The following CALN1 variants were observed in gnomAD, a reference collection of about 807,000 sequenced individuals.
CALN1 encodes calneuron 1.
CALN1 carries 17 observed loss-of-function variants against 30.6 expected under a neutral mutation model. The ratio of observed to expected loss-of-function variants is 0.56; its 90% CI spans 0.38 to 0.83. The LOEUF is 0.83. Among genes scored for constraint, CALN1 ranks in the 40% least tolerant of loss-of-function variants. The probability of loss-of-function intolerance (pLI) is 0.00; values close to 1 mark genes in which losing one functional copy is unlikely to be tolerated. For missense variants in CALN1, 291 were observed against 354.9 expected, an observed-to-expected ratio of 0.82 and a Z score of 1.45; for synonymous variants, 156 against 131.4, an observed-to-expected ratio of 1.19 and a Z score of -1.28.
At chr7:71,873,361 TATAC>T (rs1792059461) in intron 5 of CALN1, among the ~76,000 whole-genome samples, 1 of 152,094 alleles carries the variant, frequency 6.6e-6, no homozygotes, top group Non-Finnish European at 1.5e-5. Flanking sequence ...ACTGGTTGCC[TATAC>T]ATACAGTCAT....
chr7:72,113,697 T>C (rs879898790), intron 3 of CALN1, among the ~76,000 whole-genome samples: 4 of 152,202 alleles, frequency 2.6e-5, no homozygotes, highest in Non-Finnish European at 4.4e-5. Context: ...TTTTCTCCTG[T>C]TTTTGTGCTA....
intron 3 of CALN1, among the ~76,000 whole-genome samples, chr7:72,249,354 C>A (rs1355160753): frequency 2.0e-5 from 3 of 152,186 alleles, no homozygotes; most frequent in Non-Finnish European, 2.9e-5. Context: ...GCCAGGCAAG[C>A]ATTTCCACTC....
chr7:72,131,041 ACCCAT>A (rs1809108068), intron 3 of CALN1, among the ~76,000 whole-genome samples: 1 of 152,054 alleles, frequency 6.6e-6, no homozygotes, highest in African/African-American at 2.4e-5. Flanking sequence ...TGTACTAAGC[ACCCAT>A]GGGTCATCAA....
At chr7:72,311,365 G>A (rs1181365790) in intron 2 of CALN1, among the ~76,000 whole-genome samples, 3 of 152,228 alleles carry the variant, frequency 2.0e-5, no homozygotes, top group African/African-American at 7.2e-5. Flanking sequence ...TCAACAATAG[G>A]CTATTAGTAG....
At position 72,082,077 on chromosome 7, in the gene CALN1, C is replaced by T. The variant is rs372913014; in HGVS notation, c.388+24074G>A. 5.1e-3 allele frequency among the ~76,000 whole-genome samples: 775 copies of T among 152,180 alleles called. 5 individuals carry two copies. The highest frequency in any genetic ancestry group is 0.018 in the African/African-American group (737 of 41,538). The stretch of plus-strand genomic sequence containing the variant: ...TCTCGGCTCACTGCAACCTCTGCCT[C>T]CTGGGTTCAAGCGATTCTCCAGCCT... On this transcript the variant is annotated intron_variant, in intron 4 of 6. Transcript: ENST00000395275.
chr7:72,340,361 G>A (rs1398600503), intron 2 of CALN1, among the ~76,000 whole-genome samples: 8 of 147,816 alleles, frequency 5.4e-5, no homozygotes, highest in Non-Finnish European at 7.4e-5. Flanking sequence ...GTCCCAATGT[G>A]AGCCCATGTG....
At chr7:71,791,850 CAT>C (rs1355751203) in intron 6 of CALN1, among the ~76,000 whole-genome samples, 2 of 152,086 alleles carry the variant, frequency 1.3e-5, no homozygotes, top group Admixed American at 6.5e-5. Context: ...TCTACTAAAA[CAT>C]AGAAAAAAAT....
intron 2 of CALN1, among the ~76,000 whole-genome samples, chr7:72,335,788 C>G (rs1801984001): frequency 6.6e-6 from 1 of 152,042 alleles, no homozygotes; most frequent in Non-Finnish European, 1.5e-5. Flanking sequence ...GCACGTGGCC[C>G]AAGGCTAAGA....
chr7:71,790,483 C>T (rs913445022), intron 6 of CALN1, among the ~76,000 whole-genome samples: 15 of 152,252 alleles, frequency 9.9e-5, no homozygotes, highest in Admixed American at 6.5e-4. Flanking sequence ...CATTGCATTA[C>T]CTAAGGGGAA....
intron 2 of CALN1, among the ~76,000 whole-genome samples, chr7:72,282,283 T>A (rs1283171150): frequency 6.6e-6 from 1 of 152,090 alleles, no homozygotes; most frequent in Admixed American, 6.5e-5. Context: ...CAAACAAAAA[T>A]AAATAAATAT....
In CALN1 at chr7:71,901,248, A is replaced by G. The variant is rs140180698; in HGVS notation, c.502-90756T>C. On this transcript the variant is annotated intron_variant, in intron 5 of 6. Transcript: ENST00000395275. Reference sequence around the variant, plus strand: ...GATCCTTACAAGAAAAACACTAATAAAAGAAATTTTAGATAACATGAACAA... The same window carrying G: ...GATCCTTACAAGAAAAACACTAATAGAAGAAATTTTAGATAACATGAACAA... Among the ~76,000 whole-genome samples the G allele has an allele frequency of 8.4e-3, 1,274 of 152,298 alleles. 22 individuals carry two copies. Among genetic ancestry groups the G allele is most frequent in the African/African-American group, 0.029 (1,195 of 41,544 alleles).
the CALN1 span, among the ~76,000 whole-genome samples, chr7:72,487,698 GAAAGA>G: frequency 2.0e-4 from 17 of 86,300 alleles, no homozygotes; most frequent in Admixed American, 4.1e-4. Context: ...AAGAAAGAAA[GAAAGA>G]AAAGAAAAGA....
At chr7:72,174,390 C>T (rs1200693064) in intron 3 of CALN1, among the ~76,000 whole-genome samples, 1 of 152,010 alleles carries the variant, frequency 6.6e-6, no homozygotes, top group African/African-American at 2.4e-5. Flanking sequence ...AGCTATTTAC[C>T]CAAGAGAAAT....
intron 2 of CALN1, among the ~76,000 whole-genome samples, chr7:72,372,031 A>T (rs997025317): frequency 2.6e-5 from 4 of 152,216 alleles, no homozygotes; most frequent in African/African-American, 7.2e-5. Context: ...TGAATTCAAT[A>T]TCGCCTGAAA....
chr7:72,262,938 C>T (rs1046873924), intron 3 of CALN1, among the ~76,000 whole-genome samples: 4 of 152,202 alleles, frequency 2.6e-5, no homozygotes, highest in Non-Finnish European at 5.9e-5. Flanking sequence ...CACAAAGACT[C>T]ACAATGGGTT....
At chr7:72,033,535 AGACAGGTCATTTTCCAT>A (rs1394754487) in intron 4 of CALN1, among the ~76,000 whole-genome samples, 15 of 152,214 alleles carry the variant, frequency 9.9e-5, no homozygotes, top group African/African-American at 3.6e-4. Flanking sequence ...CGCAGGGTCC[AGACAGGTCATTTTCCAT>A]GATTTTGCAG....
At chr7:72,270,230 G>C (rs541375850) in intron 3 of CALN1, among the ~76,000 whole-genome samples, 1 of 152,080 alleles carries the variant, frequency 6.6e-6, no homozygotes, top group East Asian at 1.9e-4. Flanking sequence ...GCTGAGGCAG[G>C]GGGATCACTT....
In CALN1 at chr7:71,781,929, G is replaced by A. The variant is rs893550791; in HGVS notation, c.*5846C>T. The A allele has an allele frequency of 1.3e-5, 2 of 152,156 alleles. No individual in the cohort carries two copies. The highest frequency in any genetic ancestry group is 2.9e-5 in the Non-Finnish European group (2 of 68,042). 9.4% of individuals were successfully genotyped at this position (152,156 alleles called of 1,614,324 possible). On this transcript the variant is annotated 3_prime_UTR_variant, in exon 7 of 7. Transcript: ENST00000395275. ...TCTTTGTGATATATTTCCAGTCAAC[G>A]GAATAAAATTAATTTTGCCTTGGAG...
chr7:72,420,306 G>A (rs1807564021), intron 1 of CALN1, among the ~76,000 whole-genome samples: 1 of 152,118 alleles, frequency 6.6e-6, no homozygotes, highest in Admixed American at 6.6e-5. Flanking sequence ...CTTGGCTGGA[G>A]CCCAGCATGA....
Sources: gnomAD v4.1 joint callset for allele counts (sites outside exome capture counted in the v4.1 genomes callset) on GRCh38, gnomAD v4.1.1 for gene constraint, MANE v1.5 for transcripts, NCBI Gene and HGNC (gene_info 2026-07-23, HGNC 2026-07-21) for gene names.